The following WDR49 variants were observed in gnomAD, a reference collection of about 807,000 sequenced individuals.
WDR49 encodes cilia- and flagella-associated protein 337.
In WDR49, 107 loss-of-function variants were observed where a neutral mutation model predicts 119.5. The observed-to-expected ratio is 0.90, with a 90% CI of 0.77 to 1.05. WDR49 has a LOEUF of 1.05. WDR49 is among the 50% of genes least tolerant of loss of function. WDR49 has a pLI of 0.00. For synonymous variants in WDR49, 425 were observed against 418.8 expected (o/e 1.01, Z -0.18); for missense variants, 1,240 against 1,220.5 (o/e 1.02, Z -0.24).
At chr3:167,582,868 A>G (rs1714612744) in intron 7 of WDR49, among the ~76,000 whole-genome samples, 1 of 152,002 alleles carries the variant, frequency 6.6e-6, no homozygotes, top group South Asian at 2.1e-4. Context: ...GAATTGCTTG[A>G]GCCTGAGAAG....
chr3:167,478,742 G>A lies in WDR49; in HGVS notation c.*136C>T, dbSNP rs1750571585. 2.0e-6 allele frequency: 1 copy of A among 509,120 alleles called. No homozygotes were observed. Among genetic ancestry groups the A allele is most frequent in the Non-Finnish European group, 3.4e-6 (1 of 297,958 alleles). 31.5% of individuals were successfully genotyped at this position (509,120 alleles called of 1,614,324 possible). On this transcript the variant is annotated 3_prime_UTR_variant, in exon 19 of 19. Transcript: ENST00000682715. ...AGAAATTGACAGATGATAGATAAAA[G>A]CAGTACTAAATTATCCCATGAAGAG...
chr3:167,616,819 A>T (rs1716617861), intron 5 of WDR49, among the ~76,000 whole-genome samples: 2 of 152,344 alleles, frequency 1.3e-5, no homozygotes, highest in East Asian at 1.9e-4. Context: ...GCTTAAAATC[A>T]GCGATAAAGA....
chr3:167,602,183 T>C lies in WDR49; in HGVS notation c.1219A>G (p.Ile407Val). 6.2e-7 allele frequency: 1 copy of C among 1,607,662 alleles called. No individual in the cohort carries two copies. The highest frequency in any genetic ancestry group is 8.5e-7 in the Non-Finnish European group (1 of 1,175,400). ...CTTTCCACAAAGAATTGGACGGCTA[T>C]TACACTGGCTGAGTGGCCCCAAAGG... ...GVLWGHSASVIAVQFFVERKQ... is the reference protein window; with the variant it reads ...GVLWGHSASVVAVQFFVERKQ... The change falls in exon 7 of 19, where the codon ATA becomes GTA. Residue 407 changes from isoleucine to valine, a missense_variant. Ile to Val is a conservative substitution (Grantham distance 29). Coordinates refer to ENST00000682715, the MANE Select transcript of WDR49 (RefSeq NM_001366157.1).
chr3:167,577,455 A>C (rs549362827), intron 7 of WDR49, among the ~76,000 whole-genome samples: 1 of 152,228 alleles, frequency 6.6e-6, no homozygotes, highest in African/African-American at 2.4e-5. Flanking sequence ...TATCTCTGTA[A>C]CCTAGGGTCA....
At chr3:167,531,353 C>G (rs1288749488) in intron 12 of WDR49, 74 bp from the exon 13 acceptor site, 2 of 1,509,306 alleles carry the variant, frequency 1.3e-6, no homozygotes, top group Non-Finnish European at 1.8e-6. Context: ...TATGAAATAG[C>G]AGGCCCACAT....
intron 3 of WDR49, among the ~76,000 whole-genome samples, chr3:167,624,682 G>C (rs989584263): frequency 6.6e-6 from 1 of 151,956 alleles, no homozygotes; most frequent in Non-Finnish European, 1.5e-5. Context: ...ATTCTATATT[G>C]AGTAAGCACA....
At chr3:167,617,057 C>A (rs1282595760) in intron 5 of WDR49, among the ~76,000 whole-genome samples, 1 of 151,960 alleles carries the variant, frequency 6.6e-6, no homozygotes, top group African/African-American at 2.4e-5. Flanking sequence ...GGCAGCATTG[C>A]AAAGCAAGAT....
At chr3:167,543,386 C>T (rs1290740235) in intron 10 of WDR49, among the ~76,000 whole-genome samples, 8 of 151,908 alleles carry the variant, frequency 5.3e-5, no homozygotes, top group Admixed American at 5.3e-4. Context: ...ATGAGAAAAT[C>T]CTGAACAAAA....
chr3:167,516,157 G>A (rs946221507), intron 16 of WDR49, among the ~76,000 whole-genome samples: 2 of 152,104 alleles, frequency 1.3e-5, no homozygotes, highest in Admixed American at 1.3e-4. Context: ...CAACGTGCAG[G>A]TTAGTTACGT....
At chr3:167,580,697 TCA>T (rs1471903354) in intron 7 of WDR49, among the ~76,000 whole-genome samples, 1 of 152,188 alleles carries the variant, frequency 6.6e-6, no homozygotes, top group Non-Finnish European at 1.5e-5. Context: ...TCACATTAAT[TCA>T]GTTTTATTAA....
chr3:167,513,196 C>G (rs1278550014), intron 16 of WDR49, among the ~76,000 whole-genome samples: 2 of 151,994 alleles, frequency 1.3e-5, no homozygotes, highest in South Asian at 4.2e-4. Context: ...TAAAGGGCAG[C>G]CAGAGAGAAA....
At position 167,602,155 on chromosome 3, in the gene WDR49, T is replaced by C; in HGVS notation, c.1247A>G (p.Lys416Arg). The C allele has an allele frequency of 6.3e-7, 1 of 1,599,624 alleles. No individual in the cohort carries two copies. The highest frequency in any genetic ancestry group is 8.5e-7 in the Non-Finnish European group (1 of 1,169,796). ...VIAVQFFVER[K>R]QLFSFSKDKV... Reference sequence around the variant, plus strand: ...ATCCTTGGAGAAGCTGAAAAGTTGTTTTCTTTCCACAAAGAATTGGACGGC... The same window carrying C: ...ATCCTTGGAGAAGCTGAAAAGTTGTCTTCTTTCCACAAAGAATTGGACGGC... The change falls in exon 7 of 19, where the codon AAA becomes AGA. Residue 416 changes from lysine (K) to arginine (R), a missense_variant. Transcript: ENST00000682715.
At chr3:167,505,202 T>A (rs1751718292) in intron 17 of WDR49, 105 bp downstream of exon 17, 1 of 1,246,004 alleles carries the variant, frequency 8.0e-7, no homozygotes, top group Non-Finnish European at 1.0e-6. Flanking sequence ...ACATTCATGT[T>A]TATTAAGGAA....
intron 3 of WDR49, 95 bp from the exon 4 acceptor site, chr3:167,621,738 AC>A: frequency 8.4e-7 from 1 of 1,194,270 alleles, no homozygotes. Flanking sequence ...GCCAAATCAG[AC>A]TTTGTTCTCT....
chr3:167,496,866 G>A (rs7632137), intron 18 of WDR49, among the ~76,000 whole-genome samples: 21,572 of 152,042 alleles, frequency 0.14, 1,871 homozygotes, highest in African/African-American at 0.25. Flanking sequence ...TGGTGCATCA[G>A]TACCCCAAAC....
intron 17 of WDR49, 127 bp downstream of exon 17, chr3:167,505,180 T>C: frequency 8.3e-7 from 1 of 1,198,146 alleles, no homozygotes; most frequent in Non-Finnish European, 1.1e-6. Flanking sequence ...TAAATGGGGT[T>C]CACAGAACAT....
intron 2 of WDR49, among the ~76,000 whole-genome samples, chr3:167,633,157 G>A (rs1181011291): frequency 6.6e-6 from 1 of 151,224 alleles, no homozygotes; most frequent in East Asian, 2.0e-4. Context: ...TAATATTAGT[G>A]ATCTCTACCA....
intron 5 of WDR49, among the ~76,000 whole-genome samples, chr3:167,613,860 G>A (rs559434313): frequency 1.3e-5 from 2 of 151,172 alleles, no homozygotes; most frequent in African/African-American, 2.4e-5. Context: ...CAGGAGAATC[G>A]CTTGAACCCA....
chr3:167,632,598 G>A (rs897179279), intron 2 of WDR49, among the ~76,000 whole-genome samples: 4 of 151,988 alleles, frequency 2.6e-5, no homozygotes, highest in African/African-American at 9.7e-5. Flanking sequence ...GAAGCATGAT[G>A]TTTTGATTAA....
Sources: allele counts gnomAD v4.1 joint callset (sites outside exome capture counted in the v4.1 genomes callset), GRCh38; gene constraint gnomAD v4.1.1; transcripts MANE v1.5; gene names NCBI Gene and HGNC (gene_info 2026-07-23, HGNC 2026-07-21).